REPS2: variants seen among roughly 807,000 people sequenced by gnomAD.
The protein encoded by REPS2 is RALBP1 associated Eps domain containing 2.
A neutral mutation model predicts 53.6 loss-of-function variants in REPS2; 23 were observed. The ratio of observed to expected loss-of-function variants is 0.43; its 90% CI spans 0.31 to 0.61. The LOEUF (loss-of-function observed/expected upper bound fraction) is 0.61. REPS2 is among the 20% of genes least tolerant of loss of function. The pLI is 0.11. For synonymous variants in REPS2, 238 were observed against 218.6 expected (o/e 1.09, Z -0.78); for missense variants, 446 against 534.9 (o/e 0.83, Z 1.64).
intron 14 of REPS2, among the ~76,000 whole-genome samples, chrX:17,128,094 C>T (rs191203099): frequency 1.8e-5 from 2 of 111,489 alleles, no homozygotes; most frequent in Admixed American, 1.9e-4. Flanking sequence ...CTTTCAGTCC[C>T]CTCTCCTGGG....
intron 13 of REPS2, among the ~76,000 whole-genome samples, chrX:17,093,166 CTATATA>C (rs58530978): frequency 2.6e-4 from 10 of 39,097 alleles, no homozygotes; most frequent in Admixed American, 4.8e-4. Context: ...TGAGTTAATG[CTATATA>C]TATATATATA....
intron 1 of REPS2, among the ~76,000 whole-genome samples, chrX:16,953,105 ACACACACACACAC>A (rs2060539707): frequency 3.9e-4 from 3 of 7,764 alleles, no homozygotes; most frequent in Admixed American, 2.2e-3. Flanking sequence ...AAACAAACAC[ACACACACACACAC>A]ACACACACAC....
the REPS2 span, among the ~76,000 whole-genome samples, chrX:17,192,205 C>T: frequency 1.1e-3 from 119 of 112,354 alleles, 1 homozygote; most frequent in African/African-American, 3.6e-3. Flanking sequence ...TGTGTGTGTG[C>T]GTGCACGCAT....
chrX:17,140,525 A>G, intron 17 of REPS2, among the ~76,000 whole-genome samples: 1 of 110,687 alleles, frequency 9.0e-6, no homozygotes, highest in Middle Eastern at 4.7e-3. Flanking sequence ...TTCTACAATA[A>G]CATTTTACTA....
intron 5 of REPS2, among the ~76,000 whole-genome samples, chrX:17,033,160 T>C (rs1348681126): frequency 2.7e-5 from 3 of 112,034 alleles, no homozygotes; most frequent in African/African-American, 9.7e-5. Context: ...AGAAACTTTA[T>C]GTTAAGCCGT....
At chrX:17,118,626 G>A (rs1205618766) in intron 14 of REPS2, among the ~76,000 whole-genome samples, 1 of 112,214 alleles carries the variant, frequency 8.9e-6, no homozygotes, top group Non-Finnish European at 1.9e-5. Context: ...TAATAAGCAT[G>A]TAGAGAGAGA....
chrX:16,950,444 T>C (rs1300526441), intron 1 of REPS2, among the ~76,000 whole-genome samples: 1 of 112,408 alleles, frequency 8.9e-6, no homozygotes, highest in Non-Finnish European at 1.9e-5. Flanking sequence ...AGAGTATATT[T>C]AGTTTTATAA....
At position 17,054,884 on chromosome X, in the gene REPS2, C is replaced by G. The variant is rs749811885; in HGVS notation, c.1048C>G (p.Arg350Gly). Residue 350 changes from arginine (R) to glycine (G), a missense_variant, in exon 8 of 18, where the codon CGG becomes GGG. Arg to Gly is a moderately radical substitution (Grantham distance 125, BLOSUM62 -2). Transcript: ENST00000357277. ...FCAAFHLIVA[R>G]KNGYPLPEGL... is the part of the protein sequence containing the mutation. ...TGCTGCGTTTCATCTCATTGTGGCT[C>G]GGAAGAACGGCTACCCATTGCCTGA... 1.7e-6 allele frequency: 2 copies of G among 1,211,461 alleles called. No individual in the cohort carries two copies. The highest frequency in any genetic ancestry group is 2.2e-6 in the Non-Finnish European group (2 of 895,297).
intron 1 of REPS2, chrX:16,978,512 T>C (rs769863218): frequency 1.4e-4 from 99 of 732,617 alleles, no homozygotes; most frequent in Middle Eastern, 7.8e-4. Context: ...TTTTCTTTTT[T>C]TTTTTGTTGA....
intron 13 of REPS2, chrX:17,100,369 A>G (rs777002903): frequency 8.3e-5 from 39 of 468,435 alleles, no homozygotes; most frequent in Admixed American, 5.5e-4. Context: ...GGAGCCGGAA[A>G]GGAATCGGTG....
At chrX:17,012,599 C>A (rs867631092) in intron 2 of REPS2, among the ~76,000 whole-genome samples, 1 of 109,745 alleles carries the variant, frequency 9.1e-6, no homozygotes, top group Admixed American at 9.7e-5. Flanking sequence ...TTCACTAGTC[C>A]CTTTGGGAGC....
chrX:16,982,015 G>A (rs2061024923), intron 1 of REPS2, among the ~76,000 whole-genome samples: 1 of 111,195 alleles, frequency 9.0e-6, no homozygotes, highest in East Asian at 2.8e-4. Flanking sequence ...CCTACTTTCT[G>A]TCTCTATGAA....
chrX:16,988,694 G>A (rs905509849), intron 1 of REPS2, among the ~76,000 whole-genome samples: 47 of 110,065 alleles, frequency 4.3e-4, no homozygotes, highest in African/African-American at 1.5e-3. Context: ...AATGGACACT[G>A]AAATTAAAAA....
intron 13 of REPS2, among the ~76,000 whole-genome samples, chrX:17,088,366 G>A (rs2062569666): frequency 9.0e-6 from 1 of 111,089 alleles, no homozygotes; most frequent in South Asian, 3.8e-4. Flanking sequence ...TGTCACTTAA[G>A]TCTGCCCATG....
chrX:17,046,781 A>T (rs755502942), intron 5 of REPS2, among the ~76,000 whole-genome samples: 1 of 112,049 alleles, frequency 8.9e-6, no homozygotes, highest in East Asian at 2.8e-4. Flanking sequence ...CAGCTCTGTT[A>T]CTAAATATTG....
At chrX:17,161,797 G>A in the REPS2 span, among the ~76,000 whole-genome samples, 1 of 111,807 alleles carries the variant, frequency 8.9e-6, no homozygotes, top group East Asian at 2.8e-4. Flanking sequence ...CAACATTATG[G>A]TGTCCACCCA....
intron 1 of REPS2, among the ~76,000 whole-genome samples, chrX:16,987,690 A>G (rs1293656069): frequency 8.9e-6 from 1 of 112,075 alleles, no homozygotes; most frequent in African/African-American, 3.2e-5. Flanking sequence ...TAGTGCCAAA[A>G]TGGCTATAGA....
At chrX:17,101,477 GC>G (rs1380021466) in intron 13 of REPS2, among the ~76,000 whole-genome samples, 2 of 111,538 alleles carry the variant, frequency 1.8e-5, no homozygotes, top group Non-Finnish European at 3.8e-5. Flanking sequence ...ATATTAAATG[GC>G]CTCAGTCTTT....
At chrX:16,950,876 C>T (rs1354565833) in intron 1 of REPS2, among the ~76,000 whole-genome samples, 1 of 111,913 alleles carries the variant, frequency 8.9e-6, no homozygotes, top group African/African-American at 3.3e-5. Flanking sequence ...ATAGTGAGAC[C>T]CTGTCTCTAC....
Sources: gnomAD v4.1 joint callset for allele counts (sites outside exome capture counted in the v4.1 genomes callset) on GRCh38, gnomAD v4.1.1 for gene constraint, MANE v1.5 for transcripts, NCBI Gene and HGNC (gene_info 2026-07-23, HGNC 2026-07-21) for gene names.